The following ABI1 variants were observed in gnomAD, a reference collection of about 807,000 sequenced individuals.
ABI1 encodes the protein Abelson interactor 1.
In ABI1, 14 loss-of-function variants were observed where a neutral mutation model predicts 54.6. The ratio of observed to expected loss-of-function variants is 0.26; its 90% CI spans 0.17 to 0.40. The LOEUF is 0.40. Among genes scored for constraint, ABI1 ranks in the 10% least tolerant of loss-of-function variants. ABI1 has a pLI of 1.00. For missense variants in ABI1, 443 were observed against 598.3 expected, an observed-to-expected ratio of 0.74 and a Z score of 2.71; for synonymous variants, 194 against 209.3, an observed-to-expected ratio of 0.93 and a Z score of 0.63.
intron 1 of ABI1, among the ~76,000 whole-genome samples, chr10:26,825,256 C>T (rs1462060245): frequency 1.3e-5 from 2 of 152,170 alleles, no homozygotes; most frequent in South Asian, 2.1e-4. Flanking sequence ...GGTGTGGTGG[C>T]GGCTTGTACC....
At chr10:26,843,463 AAAAAAAAAAAAAAAAAAAAAAAATAT>A (rs1564573438) in intron 1 of ABI1, among the ~76,000 whole-genome samples, 4 of 76,054 alleles carry the variant, frequency 5.3e-5, no homozygotes, top group Non-Finnish European at 9.7e-5. Flanking sequence ...CAAAAAAAAA[AAAAAAAAAAAAAAAAAAAAAAAATAT>A]ATATATATAT....
Position 26,777,078 on chromosome 10 carries a change from C to A in ABI1, c.449G>T (p.Gly150Val). ...TAAAATGCTTACCTTGACACCATGG[C>A]CCACATCATCCAGAACTGTGTAATC... ...PIDYTVLDDV[G>V]HGVKWLKAKH... is the part of the protein sequence containing the mutation. Residue 150 changes from glycine (G) to valine (V), a missense_variant, in exon 3 of 11, where the codon GGC (glycine) becomes GTC (valine). Around this residue, in one of 2 missense-constraint regions of ABI1, gnomAD observed 394 missense variants for 484.8 expected, o/e 0.81. Coordinates refer to ENST00000376140, the MANE Select transcript of ABI1 (RefSeq NM_001012750.3). 1 of 1,596,428 alleles carries A rather than the reference C, an allele frequency of 6.3e-7. No homozygotes were observed. The highest frequency in any genetic ancestry group is 8.5e-7 in the Non-Finnish European group (1 of 1,174,878).
chr10:26,785,995 A>C (rs1347944456), intron 2 of ABI1, among the ~76,000 whole-genome samples: 2 of 152,192 alleles, frequency 1.3e-5, no homozygotes, highest in African/African-American at 4.8e-5. Context: ...TCTCTGGTCC[A>C]GAAGTCTTCT....
intron 1 of ABI1, among the ~76,000 whole-genome samples, chr10:26,854,234 C>A (rs961604868): frequency 6.6e-6 from 1 of 152,000 alleles, no homozygotes; most frequent in Non-Finnish European, 1.5e-5. Flanking sequence ...CTAAACAGAC[C>A]AGGACTAGTC....
rs988652918 is a variant in ABI1 at position 26,747,705 on chromosome 10, T to C, written c.*865A>G. ...CAGTAGATTGACTTGTAAATAACCATTGCAGATTTTGAATCTGCAAAAATC... is the reference window on the plus strand; with the variant it reads ...CAGTAGATTGACTTGTAAATAACCACTGCAGATTTTGAATCTGCAAAAATC... On this transcript the variant is annotated 3_prime_UTR_variant, in exon 11 of 11. Transcript: ENST00000376140. 1.5e-5 allele frequency: 3 copies of C among 196,422 alleles called. No individual in the cohort carries two copies. The highest frequency in any genetic ancestry group is 3.2e-5 in the Non-Finnish European group (3 of 94,782). 12.2% of individuals were successfully genotyped at this position (196,422 alleles called of 1,614,324 possible). A position where few individuals can be genotyped will look rare whatever the true frequency, so the allele number is the denominator to read the frequency against.
At chr10:26,786,767 A>T (rs773373549) in intron 2 of ABI1, among the ~76,000 whole-genome samples, 3 of 152,040 alleles carry the variant, frequency 2.0e-5, no homozygotes, top group Non-Finnish European at 4.4e-5. Flanking sequence ...CTCCCAGTTC[A>T]TTTTCCTCTT....
chr10:26,763,896 T>C (rs756016243), intron 7 of ABI1: 6 of 1,612,932 alleles, frequency 3.7e-6, no homozygotes, highest in Non-Finnish European at 5.1e-6. Flanking sequence ...CAGTGCTCAC[T>C]GGGAGAAGTG....
chr10:26,772,351 T>C (rs569699693), intron 3 of ABI1, among the ~76,000 whole-genome samples: 1 of 152,156 alleles, frequency 6.6e-6, no homozygotes, highest in Non-Finnish European at 1.5e-5. Context: ...TACATAGCAA[T>C]GTATATCTTA....
chr10:26,792,458 G>A (rs1486290599), intron 2 of ABI1, among the ~76,000 whole-genome samples: 6 of 152,118 alleles, frequency 3.9e-5, no homozygotes, highest in South Asian at 2.1e-4. Context: ...CATAAGCCAG[G>A]GAAAAGAGGC....
Position 26,843,385 on chromosome 10 carries a change from C to G in ABI1, c.117+17362G>C, listed in dbSNP as rs529766152. Among the ~76,000 whole-genome samples, 616 of 132,606 alleles carry G rather than the reference C, an allele frequency of 4.6e-3. 3 individuals are homozygous for G. Among genetic ancestry groups the G allele is most frequent in the Non-Finnish European group, 7.3e-3 (469 of 64,292 alleles). 87.0% of individuals were successfully genotyped at this position (132,606 alleles called of 152,430 possible). A position where few individuals can be genotyped will look rare whatever the true frequency, so the allele number is the denominator to read the frequency against. On this transcript the variant is annotated intron_variant, in intron 1 of 10. Coordinates refer to ENST00000376140, the MANE Select transcript of ABI1 (RefSeq NM_001012750.3). ...AGGAGAATCGCTTGAACCTTGGAGG[C>G]GGAGGTTGTAGTGAGCTGAGATCAT...
chr10:26,846,065 C>T (rs1458095988), intron 1 of ABI1, among the ~76,000 whole-genome samples: 1 of 151,428 alleles, frequency 6.6e-6, no homozygotes, highest in African/African-American at 2.4e-5. Flanking sequence ...TTGCTTGAAC[C>T]TGGGAGGTAG....
intron 1 of ABI1, among the ~76,000 whole-genome samples, chr10:26,845,659 A>T (rs1368602125): frequency 6.6e-6 from 1 of 152,144 alleles, no homozygotes; most frequent in East Asian, 1.9e-4. Context: ...TAATAATAAT[A>T]ATATAGACAT....
At chr10:26,805,711 T>C (rs931596876) in intron 2 of ABI1, among the ~76,000 whole-genome samples, 1 of 152,190 alleles carries the variant, frequency 6.6e-6, no homozygotes, top group Admixed American at 6.5e-5. Flanking sequence ...TTCCTTTGAT[T>C]CAGGGCATAT....
intron 1 of ABI1, among the ~76,000 whole-genome samples, chr10:26,846,842 T>G (rs935547603): frequency 6.6e-6 from 1 of 152,160 alleles, no homozygotes; most frequent in African/African-American, 2.4e-5. Context: ...ACAGAGACAC[T>G]GTTTTCCCTT....
intron 2 of ABI1, among the ~76,000 whole-genome samples, chr10:26,779,403 G>A (rs1841832950): frequency 6.6e-6 from 1 of 152,148 alleles, no homozygotes; most frequent in African/African-American, 2.4e-5. Flanking sequence ...CAGATAGGAG[G>A]ACTTCCTTAT....
chr10:26,821,437 T>A (rs941297466), intron 2 of ABI1, among the ~76,000 whole-genome samples: 2 of 152,018 alleles, frequency 1.3e-5, no homozygotes, highest in Non-Finnish European at 2.9e-5. Flanking sequence ...AAAAGAAAGA[T>A]GACACCAATT....
intron 2 of ABI1, among the ~76,000 whole-genome samples, chr10:26,783,950 GA>G (rs1393023690): frequency 6.6e-6 from 1 of 152,126 alleles, no homozygotes; most frequent in East Asian, 1.9e-4. Flanking sequence ...AGTCAGAGAT[GA>G]CTGGAAAAAA....
At chr10:26,812,133 T>C (rs1269955124) in intron 2 of ABI1, among the ~76,000 whole-genome samples, 1 of 152,214 alleles carries the variant, frequency 6.6e-6, no homozygotes, top group African/African-American at 2.4e-5. Flanking sequence ...ATTACATTTA[T>C]GGCCCACTGC....
At chr10:26,841,326 T>C (rs1402299753) in intron 1 of ABI1, among the ~76,000 whole-genome samples, 1 of 152,010 alleles carries the variant, frequency 6.6e-6, no homozygotes, top group Non-Finnish European at 1.5e-5. Flanking sequence ...CATGATGTTA[T>C]GGGATTCATA....
Sources: allele counts gnomAD v4.1 joint callset (sites outside exome capture counted in the v4.1 genomes callset), GRCh38; gene constraint gnomAD v4.1.1; regional missense constraint gnomAD v4.1.1; transcripts MANE v1.5; gene names NCBI Gene and HGNC (gene_info 2026-07-23, HGNC 2026-07-21).